IL1RAPL1: variants seen among roughly 807,000 people sequenced by gnomAD.
IL1RAPL1 encodes the protein interleukin-1 receptor accessory protein-like 1.
In IL1RAPL1, 3 loss-of-function variants were observed where a neutral mutation model predicts 48.4. The ratio of observed to expected loss-of-function variants is 0.06; its 90% CI spans 0.03 to 0.16. The LOEUF (loss-of-function observed/expected upper bound fraction) is 0.16, where lower values mean the gene tolerates loss of function less well. Ranked by LOEUF, IL1RAPL1 falls within the 10% of genes least tolerant of loss-of-function variation. The pLI, the probability that IL1RAPL1 is intolerant of heterozygous loss-of-function variation, is 1.00. For synonymous variants in IL1RAPL1, 185 were observed against 187.7 expected, an observed-to-expected ratio of 0.99 and a Z score of 0.12; for missense variants, 349 against 530.6, an observed-to-expected ratio of 0.66 and a Z score of 3.36.
At chrX:29,310,125 AAAAAGAAAGG>A (rs1569282286) in intron 3 of IL1RAPL1, among the ~76,000 whole-genome samples, 3 of 88,683 alleles carry the variant, frequency 3.4e-5, no homozygotes, top group African/African-American at 4.9e-5. Flanking sequence ...AAAAAAAAAA[AAAAAGAAAGG>A]AAAAAAAAAA....
At chrX:29,029,070 CAAG>C (rs1313581775) in intron 2 of IL1RAPL1, among the ~76,000 whole-genome samples, 1 of 111,314 alleles carries the variant, frequency 9.0e-6, no homozygotes, top group Non-Finnish European at 1.9e-5. Flanking sequence ...CACAAGGTGG[CAAG>C]AAGGAGAAGT....
chrX:29,695,115 A>G (rs925828262), intron 6 of IL1RAPL1, among the ~76,000 whole-genome samples: 3 of 112,286 alleles, frequency 2.7e-5, no homozygotes, highest in Admixed American at 9.4e-5. Flanking sequence ...AGGTCTAACT[A>G]TGACAGTATC....
chrX:29,748,044 T>C (rs1382016146), intron 6 of IL1RAPL1, among the ~76,000 whole-genome samples: 4 of 112,415 alleles, frequency 3.6e-5, no homozygotes, highest in Non-Finnish European at 7.5e-5. Flanking sequence ...CATGATTTCA[T>C]TACTGTCATG....
At position 29,319,364 on chromosome X, in the gene IL1RAPL1, A is replaced by ATTTTTTTTTTTTTTTTTTTTTTTTT. The variant is rs762918998; in HGVS notation, c.362+36167_362+36168insTTTTTTTTTTTTTTTTTTTTTTTTT. 2.8e-4 allele frequency among the ~76,000 whole-genome samples: 16 copies of ATTTTTTTTTTTTTTTTTTTTTTTTT among 58,150 alleles called. 2 individuals carry two copies. The highest frequency in any genetic ancestry group is 7.0e-4 in the South Asian group (1 of 1,436). 50.5% of individuals were successfully genotyped at this position (58,150 alleles called of 115,157 possible). On this transcript the variant is annotated intron_variant, in intron 3 of 10. Coordinates refer to ENST00000378993, the MANE Select transcript of IL1RAPL1 (RefSeq NM_014271.4). Reference sequence around the variant, plus strand: ...ACCCCACTGCATGTAGATAAATTTAATTTTTTTTTTTTTTTTTTTTGTAGA... The same window carrying ATTTTTTTTTTTTTTTTTTTTTTTTT: ...ACCCCACTGCATGTAGATAAATTTAATTTTTTTTTTTTTTTTTTTTTTTTTTTTTTTTTTTTTTTTTTTTTGTAGA...
At chrX:29,122,409 TCACACACACACACACACA>T (rs59677285) in intron 2 of IL1RAPL1, among the ~76,000 whole-genome samples, 2 of 64,569 alleles carry the variant, frequency 3.1e-5, no homozygotes, top group African/African-American at 1.6e-4. Context: ...TCTCTCTCTC[TCACACACACACACACACA>T]CACACACACA....
chrX:29,373,602 T>C (rs1933575106), intron 3 of IL1RAPL1, among the ~76,000 whole-genome samples: 1 of 110,993 alleles, frequency 9.0e-6, no homozygotes, highest in African/African-American at 3.3e-5. Context: ...CAATGCTTAG[T>C]TCTTTGATGT....
intron 6 of IL1RAPL1, among the ~76,000 whole-genome samples, chrX:29,726,983 ATGAC>A (rs1235792260): frequency 8.9e-6 from 1 of 111,933 alleles, no homozygotes; most frequent in Non-Finnish European, 1.9e-5. Context: ...GTCAGTGACA[ATGAC>A]TGCATTCTTT....
At chrX:29,816,978 GTA>G (rs35793039) in intron 6 of IL1RAPL1, among the ~76,000 whole-genome samples, 73 of 104,068 alleles carry the variant, frequency 7.0e-4, no homozygotes, top group Middle Eastern at 4.8e-3. Context: ...TTATGTGTGT[GTA>G]TATATATATA....
At chrX:29,923,998 C>A (rs1456846768) in intron 8 of IL1RAPL1, among the ~76,000 whole-genome samples, 2 of 111,683 alleles carry the variant, frequency 1.8e-5, no homozygotes, top group Non-Finnish European at 3.8e-5. Context: ...TGGCTGTGTT[C>A]AAAACCCAAC....
At chrX:29,901,840 T>A (rs747360334) in intron 6 of IL1RAPL1, among the ~76,000 whole-genome samples, 54 of 112,220 alleles carry the variant, frequency 4.8e-4, no homozygotes, top group African/African-American at 1.4e-3. Context: ...AGAGCAGAAA[T>A]AAAGGATGTG....
intron 1 of IL1RAPL1, among the ~76,000 whole-genome samples, chrX:28,713,635 A>C (rs1935467614): frequency 9.0e-6 from 1 of 111,066 alleles, no homozygotes; most frequent in East Asian, 2.8e-4. Context: ...TCATTTTCGA[A>C]AAAATGCCCC....
At chrX:29,310,129 AG>A (rs1569282301) in intron 3 of IL1RAPL1, among the ~76,000 whole-genome samples, 1,426 of 44,997 alleles carry the variant, frequency 0.032, 61 homozygotes, top group African/African-American at 0.078. Context: ...AAAAAAAAAA[AG>A]AAAGGAAAAA....
At chrX:29,663,304 G>A (rs750606854) in intron 5 of IL1RAPL1, among the ~76,000 whole-genome samples, 17 of 112,382 alleles carry the variant, frequency 1.5e-4, no homozygotes, top group Non-Finnish European at 3.0e-4. Context: ...CACAAAGCAT[G>A]TTTTATTGTC....
At chrX:28,895,278 A>C (rs1922884014) in intron 2 of IL1RAPL1, among the ~76,000 whole-genome samples, 1 of 110,247 alleles carries the variant, frequency 9.1e-6, no homozygotes, top group South Asian at 3.9e-4. Context: ...TTGTAAGGGG[A>C]GTTATAGGCT....
At chrX:29,563,971 G>A (rs749208639) in intron 5 of IL1RAPL1, among the ~76,000 whole-genome samples, 125 of 111,560 alleles carry the variant, frequency 1.1e-3, no homozygotes, top group Middle Eastern at 4.6e-3. Flanking sequence ...TTACTGCATG[G>A]ACAGTTGTAT....
intron 4 of IL1RAPL1, 146 bp downstream of exon 4, chrX:29,396,590 T>C: frequency 3.8e-6 from 2 of 531,465 alleles, no homozygotes; most frequent in Non-Finnish European, 6.5e-6. Context: ...CTGGTCATTA[T>C]ATGTTTTTTA....
At chrX:29,599,201 T>C (rs1401834293) in intron 5 of IL1RAPL1, among the ~76,000 whole-genome samples, 1 of 112,305 alleles carries the variant, frequency 8.9e-6, no homozygotes, top group Non-Finnish European at 1.9e-5. Flanking sequence ...TAGCAGTTCT[T>C]GTAGTGCTGG....
chrX:28,868,180 A>G (rs1305868325), intron 2 of IL1RAPL1, among the ~76,000 whole-genome samples: 3 of 111,012 alleles, frequency 2.7e-5, no homozygotes, highest in Non-Finnish European at 5.7e-5. Context: ...CTTGGCCCTT[A>G]TTTCTTATCT....
chrX:28,989,527 T>C (rs961942243), intron 2 of IL1RAPL1, among the ~76,000 whole-genome samples: 2 of 112,482 alleles, frequency 1.8e-5, no homozygotes, highest in African/African-American at 6.5e-5. Flanking sequence ...GTTAAGATAA[T>C]AGCTTTTAGA....
Sources: allele counts gnomAD v4.1 joint callset (sites outside exome capture counted in the v4.1 genomes callset), GRCh38; gene constraint gnomAD v4.1.1; transcripts MANE v1.5; gene names NCBI Gene and HGNC (gene_info 2026-07-23, HGNC 2026-07-21).